CHRM1: variants seen among roughly 807,000 people sequenced by gnomAD.
CHRM1 encodes cholinergic receptor muscarinic 1.
CHRM1 carries 5 observed loss-of-function variants against 31.6 expected under a neutral mutation model. The ratio of observed to expected loss-of-function variants is 0.16; its 90% confidence interval spans 0.08 to 0.33. CHRM1 has a LOEUF of 0.33. CHRM1 is among the 10% of genes least tolerant of loss of function. The pLI is 1.00. For missense variants in CHRM1, 338 were observed against 610.3 expected (o/e 0.55, Z 4.70); for synonymous variants, 227 against 249.7 (o/e 0.91, Z 0.86).
chr11:62,914,195 C>T (rs948241069), intron 1 of CHRM1, among the ~76,000 whole-genome samples: 1 of 152,048 alleles, frequency 6.6e-6, no homozygotes, highest in South Asian at 2.1e-4. Context: ...CTGCCTGCCT[C>T]GGGCTCCCAA....
chr11:62,909,617 T>C lies in CHRM1; in HGVS notation c.*101A>G. The C allele has an allele frequency of 7.0e-7, 1 of 1,425,778 alleles. No individual in the cohort carries two copies. Among genetic ancestry groups the C allele is most frequent in the Middle Eastern group, 2.4e-4 (1 of 4,204 alleles). 88.3% of individuals were successfully genotyped at this position (1,425,778 alleles called of 1,614,324 possible). A position where few individuals can be genotyped will look rare whatever the true frequency, so the allele number is the denominator to read the frequency against. ...TGACCCAGGGTCCTGGGAAGCCAGG[T>C]GAGGCCTGAGCAGGGCCCTGGGGCT... On this transcript the variant is annotated 3_prime_UTR_variant, in exon 2 of 2. Transcript: ENST00000306960.
Position 62,910,372 on chromosome 11 carries a change from C to T in CHRM1, c.729G>A (p.Arg243=). 6.2e-7 allele frequency: 1 copy of T among 1,610,228 alleles called. No individual in the cohort carries two copies. ...GTGAGCCCTCAGCCCCTGGCTGAGACCTCTCTGAGCTGCTGCTGCTGCCAC... is the reference window on the plus strand; with the variant it reads ...GTGAGCCCTCAGCCCCTGGCTGAGATCTCTCTGAGCTGCTGCTGCTGCCAC... ...KGGGSSSSSE[R]SQPGAEGSPE... Residue 243 remains arginine, a synonymous_variant, in exon 2 of 2, where the codon AGG becomes AGA. Coordinates refer to ENST00000306960, the MANE Select transcript of CHRM1 (RefSeq NM_000738.3). This position sits in a 1 kb window ranked among gnomAD's most constrained non-coding sequence, Gnocchi z 8.7.
chr11:62,920,781 G>A (rs2085929075), intron 1 of CHRM1: 1 of 152,172 alleles, frequency 6.6e-6, no homozygotes, highest in Admixed American at 6.5e-5. Flanking sequence ...GAGGACAGGA[G>A]GTTCTGGGAC....
At position 62,911,001 on chromosome 11, in the gene CHRM1, G is replaced by A; in HGVS notation, c.100C>T (p.Leu34Phe). The A allele has an allele frequency of 1.2e-6, 2 of 1,614,190 alleles. No homozygotes were observed. The highest frequency in any genetic ancestry group is 1.7e-6 in the Non-Finnish European group (2 of 1,180,022). The change falls in exon 2 of 2, where the codon CTC becomes TTC. Residue 34 changes from leucine (L) to phenylalanine (F), a missense_variant. By Grantham distance (22) the Leu-to-Phe change is conservative. Transcript: ENST00000306960. ...QVAFIGITTG[L>F]LSLATVTGNL... is the part of the protein sequence containing the mutation. ...CCTGTCACTGTGGCTAGCGACAGGA[G>A]GCCCGTGGTGATCCCAATGAAGGCC... is the stretch of plus-strand genomic sequence containing the variant.
upstream of CHRM1, chr11:62,921,631 C>T (rs2085934446): frequency 6.5e-6 from 1 of 152,844 alleles, no homozygotes; most frequent in South Asian, 2.1e-4. Context: ...GACAAACACC[C>T]ACACCCACTG....
intron 1 of CHRM1, among the ~76,000 whole-genome samples, chr11:62,919,195 C>A (rs1195949332): frequency 6.6e-6 from 1 of 152,138 alleles, no homozygotes; most frequent in Non-Finnish European, 1.5e-5. Context: ...TCTTTGACAG[C>A]AGCTCTTGAC....
intron 1 of CHRM1, among the ~76,000 whole-genome samples, chr11:62,913,340 A>AG (rs898681277): frequency 1.4e-4 from 22 of 152,176 alleles, no homozygotes; most frequent in African/African-American, 5.1e-4. Context: ...TTTAACTCTC[A>AG]GGATGTGTAG....
Position 62,911,112 on chromosome 11 carries a change from G to A in CHRM1, c.-12C>T, listed in dbSNP as rs1190435855. On this transcript the variant is annotated 5_prime_UTR_variant, in exon 2 of 2. Coordinates refer to ENST00000306960, the MANE Select transcript of CHRM1 (RefSeq NM_000738.3). Reference sequence around the variant, plus strand: ...GCTGAAGTGTTCATGGTGGCTAGGTGGGGCTGGGGTTGGAGAGCCCCTTCC... The same window carrying A: ...GCTGAAGTGTTCATGGTGGCTAGGTAGGGCTGGGGTTGGAGAGCCCCTTCC... The A allele has an allele frequency of 6.2e-7, 1 of 1,610,896 alleles. No homozygotes were observed. The highest frequency in any genetic ancestry group is 8.5e-7 in the Non-Finnish European group (1 of 1,178,178).
chr11:62,912,001 T>C (rs1020258554), intron 1 of CHRM1, among the ~76,000 whole-genome samples: 1 of 152,062 alleles, frequency 6.6e-6, no homozygotes, highest in African/African-American at 2.4e-5. Context: ...GGGTGGTATT[T>C]GGGGCTGAAT....
chr11:62,917,521 G>A (rs571981983), intron 1 of CHRM1, among the ~76,000 whole-genome samples: 9 of 152,302 alleles, frequency 5.9e-5, no homozygotes, highest in African/African-American at 1.9e-4. Context: ...GTAAATGACC[G>A]TCCTGACCTG....
At chr11:62,918,768 TG>T (rs2085914545) in intron 1 of CHRM1, among the ~76,000 whole-genome samples, 2 of 152,062 alleles carry the variant, frequency 1.3e-5, no homozygotes, top group African/African-American at 4.8e-5. Context: ...CCCTAGGGGC[TG>T]GGGATCTGGC....
chr11:62,912,658 C>A (rs2085878062), intron 1 of CHRM1, among the ~76,000 whole-genome samples: 1 of 152,210 alleles, frequency 6.6e-6, no homozygotes, highest in Non-Finnish European at 1.5e-5. Context: ...GGCAGGAGGC[C>A]CCCACAGCCA....
At chr11:62,917,442 A>AC (rs1193946481) in intron 1 of CHRM1, among the ~76,000 whole-genome samples, 2 of 151,550 alleles carry the variant, frequency 1.3e-5, no homozygotes, top group Admixed American at 6.6e-5. Context: ...CAGCAGGAAG[A>AC]CCCCCCGAGG....
Position 62,910,460 on chromosome 11 carries a change from T to A in CHRM1, c.641A>T (p.Glu214Val). 3 of 1,613,970 alleles carry A rather than the reference T, an allele frequency of 1.9e-6. No homozygotes were observed. Among genetic ancestry groups the A allele is most frequent in the Non-Finnish European group, 2.5e-6 (3 of 1,180,028 alleles). Reference protein sequence around the residue: ...MCTLYWRIYRETENRARELAA... With the variant: ...MCTLYWRIYRVTENRARELAA... ...CAGCTCCCGTGCTCGGTTCTCTGTC[T>A]CCCGGTAGATGCGCCAGTAGAGCGT... The change falls in exon 2 of 2, where the codon GAG becomes GTG. Residue 214 changes from glutamate (E) to valine (V), a missense_variant. Physicochemically the swap from Glu to Val is moderately radical, Grantham distance 121. Around this residue, in one of 4 missense-constraint regions of CHRM1, gnomAD observed 183 missense variants for 223.4 expected, o/e 0.82. Coordinates refer to ENST00000306960, the MANE Select transcript of CHRM1 (RefSeq NM_000738.3). The surrounding 1 kb of genome is among the most constrained non-coding windows in gnomAD (Gnocchi z 8.7).
intron 1 of CHRM1, among the ~76,000 whole-genome samples, chr11:62,917,323 G>A (rs751667836): frequency 2.0e-5 from 3 of 152,210 alleles, no homozygotes; most frequent in African/African-American, 7.2e-5. Flanking sequence ...ACAGCCAGCT[G>A]GTTGAAAAGG....
intron 1 of CHRM1, among the ~76,000 whole-genome samples, chr11:62,913,971 C>A (rs553321540): frequency 6.7e-6 from 1 of 148,792 alleles, no homozygotes; most frequent in Admixed American, 6.9e-5. Flanking sequence ...GAGATGGAGT[C>A]TCGCTGTGTC....
At chr11:62,918,993 G>T (rs964257652) in intron 1 of CHRM1, among the ~76,000 whole-genome samples, 1 of 152,038 alleles carries the variant, frequency 6.6e-6, no homozygotes, top group East Asian at 1.9e-4. Flanking sequence ...GTAGAGTCCT[G>T]GTTAGGAAGA....
Position 62,910,222 on chromosome 11 carries a change from T to C in CHRM1, c.879A>G (p.Gly293=), listed in dbSNP as rs185706535. 6.8e-6 allele frequency: 11 copies of C among 1,609,286 alleles called. No individual in the cohort carries two copies. The East Asian group carries it at 2.0e-4, about 29-fold the overall frequency. ...GSMESLTSSE[G]EEPGSEVVIK... The stretch of plus-strand genomic sequence containing the variant: ...TCACCACTTCGGAGCCAGGCTCCTC[T>C]CCCTCTGAGGATGTGAGGGACTCCA... Residue 293 remains glycine, a synonymous_variant, in exon 2 of 2, where the codon GGA becomes GGG. Coordinates refer to ENST00000306960, the MANE Select transcript of CHRM1 (RefSeq NM_000738.3). This position sits in a 1 kb window ranked among gnomAD's most constrained non-coding sequence, Gnocchi z 8.7.
In CHRM1 at chr11:62,909,667, C is replaced by T. The variant is rs778529385; in HGVS notation, c.*51G>A. On this transcript the variant is annotated 3_prime_UTR_variant, in exon 2 of 2. Coordinates refer to ENST00000306960, the MANE Select transcript of CHRM1 (RefSeq NM_000738.3). ...TGAGGATGCAGCCCCTGCCCTCTTC[C>T]CACCGGCCTTTCCCGGGGACTGGGG... The T allele has an allele frequency of 1.3e-5, 20 of 1,585,194 alleles. No individual in the cohort carries two copies. Among genetic ancestry groups the T allele is most frequent in the Non-Finnish European group, 1.7e-5 (20 of 1,165,252 alleles).
Sources: gnomAD v4.1 joint callset for allele counts (sites outside exome capture counted in the v4.1 genomes callset) on GRCh38, gnomAD v4.1.1 for gene constraint, gnomAD v4.1.1 regional missense constraint, Gnocchi (gnomAD v3.1) non-coding constraint, MANE v1.5 for transcripts, NCBI Gene and HGNC (gene_info 2026-07-23, HGNC 2026-07-21) for gene names.